Variants in IL18BP observed in about 807,000 individuals in gnomAD.
IL18BP encodes the protein interleukin 18 binding protein.
In IL18BP, 23 loss-of-function variants were observed where a neutral mutation model predicts 19.9. That is an observed-to-expected ratio of 1.15 (90% CI 0.83 to 1.64). The LOEUF (loss-of-function observed/expected upper bound fraction) is 1.64, where lower values mean the gene tolerates loss of function less well. Ranked by LOEUF, IL18BP falls within the 40% of genes most tolerant of loss-of-function variation. The pLI, the probability that IL18BP is intolerant of heterozygous loss-of-function variation, is 0.00. For synonymous variants in IL18BP, 107 were observed against 101.0 expected, an observed-to-expected ratio of 1.06 and a Z score of -0.35; for missense variants, 239 against 240.7, an observed-to-expected ratio of 0.99 and a Z score of 0.05.
At chr11:72,003,480 GGT>G (rs1565179002), downstream of IL18BP, 23 of 1,598,370 alleles carry the variant, frequency 1.4e-5, 1 homozygote, top group African/African-American at 2.7e-5. Flanking sequence ...GACCAGGTGA[GGT>G]CAGCATCGGG....
downstream of IL18BP, chr11:72,003,719 C>G (rs531620960): frequency 1.0e-6 from 1 of 972,876 alleles, no homozygotes; most frequent in Non-Finnish European, 1.6e-6. Flanking sequence ...AGAATGGGGC[C>G]ATCTGTCTTC....
At chr11:72,003,329 C>A, downstream of IL18BP, 1 of 615,934 alleles carries the variant, frequency 1.6e-6, no homozygotes. Flanking sequence ...ATGCTCCAGG[C>A]CCCCTGGGCC....
chr11:72,006,767 G>A (rs942822040), downstream of IL18BP, among the ~76,000 whole-genome samples: 2 of 152,246 alleles, frequency 1.3e-5, no homozygotes, highest in South Asian at 2.1e-4. Flanking sequence ...TGTACCAGGG[G>A]CCCCTCTCCC....
chr11:71,999,184 G>A (rs1159849917), intron 1 of IL18BP, 165 bp downstream of exon 1: 2 of 515,146 alleles, frequency 3.9e-6, no homozygotes, highest in African/African-American at 3.9e-5. Context: ...TGGACGGACT[G>A]GTATGGCATT....
At chr11:72,007,158 T>C, downstream of IL18BP, 6 of 1,600,468 alleles carry the variant, frequency 3.7e-6, no homozygotes, top group Non-Finnish European at 5.1e-6. Context: ...TGGGAATTGC[T>C]GCCCTGCAGC....
At chr11:72,006,009 A>C, downstream of IL18BP, 1 of 1,542,716 alleles carries the variant, frequency 6.5e-7, no homozygotes, top group Non-Finnish European at 8.9e-7. Context: ...ATTTTGGGGT[A>C]TAGTAAGTCC....
chr11:71,999,378 A>G (rs1955091037), intron 1 of IL18BP: 3 of 301,776 alleles, frequency 9.9e-6, no homozygotes, highest in Non-Finnish European at 2.0e-5. Flanking sequence ...TCTGTGAGAG[A>G]CTCATCTAGT....
chr11:72,006,346 T>A, downstream of IL18BP: 1 of 1,165,922 alleles, frequency 8.6e-7, no homozygotes, highest in East Asian at 2.5e-5. Context: ...AGCCCTCAGA[T>A]CCCACGGCAC....
rs1554996841 is a variant in IL18BP at position 72,002,402 on chromosome 11, G to GA, written c.*541_*542insA. On this transcript the variant is annotated 3_prime_UTR_variant, in exon 6 of 6. Coordinates refer to ENST00000393703, the MANE Select transcript of IL18BP (RefSeq NM_001039660.2). ...CAGACTTCCTATCTTCGTGCTGTATGTTTTTTTTTTCCCCCTTCACTCTAA... is the reference window on the plus strand; with the variant it reads ...CAGACTTCCTATCTTCGTGCTGTATGATTTTTTTTTTCCCCCTTCACTCTAA... 6.5e-6 allele frequency: 1 copy of GA among 152,726 alleles called. No individual in the cohort carries two copies. Among genetic ancestry groups the GA allele is most frequent in the Non-Finnish European group, 1.4e-5 (1 of 69,178 alleles). The allele number at this position is 152,726 out of a possible 1,614,324, so 9.5% of individuals were successfully genotyped here.
chr11:72,008,063 A>C (rs1396658582), downstream of IL18BP: 1 of 470,690 alleles, frequency 2.1e-6, no homozygotes, highest in Non-Finnish European at 4.2e-6. Context: ...CCCCAGATTC[A>C]TCTGTTAAAG....
intron 3 of IL18BP, 141 bp downstream of exon 3, chr11:72,000,698 A>C: frequency 1.5e-6 from 1 of 687,544 alleles, no homozygotes; most frequent in Non-Finnish European, 2.5e-6. Flanking sequence ...TCCCTCCCCA[A>C]CCCAGTGTCA....
At chr11:72,007,092 T>C (rs1042965767), downstream of IL18BP, 3 of 1,442,286 alleles carry the variant, frequency 2.1e-6, no homozygotes, top group African/African-American at 2.8e-5. Flanking sequence ...GACTGGCTGC[T>C]CATCCCTCCC....
downstream of IL18BP, chr11:72,007,299 G>T (rs769598253): frequency 1.2e-6 from 2 of 1,613,374 alleles, no homozygotes; most frequent in South Asian, 1.1e-5. Flanking sequence ...CTCTCCAGGG[G>T]GGCCTGACTC....
chr11:72,001,029 T>C (rs1005149629), intron 3 of IL18BP, among the ~76,000 whole-genome samples, 172 bp from the exon 4 acceptor site: 2 of 152,216 alleles, frequency 1.3e-5, no homozygotes, highest in Non-Finnish European at 2.9e-5. Flanking sequence ...CTAGGGCCTC[T>C]CGGAGACAAC....
chr11:72,004,160 TGCC>T, downstream of IL18BP: 1 of 1,603,442 alleles, frequency 6.2e-7, no homozygotes, highest in Non-Finnish European at 8.5e-7. Flanking sequence ...CAGCGTGCTG[TGCC>T]ACGCTCTATC....
chr11:72,006,131 C>T (rs1590859561), downstream of IL18BP: 3 of 1,614,112 alleles, frequency 1.9e-6, no homozygotes, highest in African/African-American at 2.7e-5. Context: ...GCTGAGTTGC[C>T]ATAATCGGGA....
Position 72,001,324 on chromosome 11 carries a change from G to A in IL18BP, c.359G>A (p.Ser120Asn). 6.2e-7 allele frequency: 1 copy of A among 1,614,246 alleles called. No individual in the cohort carries two copies. The highest frequency in any genetic ancestry group is 8.5e-7 in the Non-Finnish European group (1 of 1,180,042). ...GGCCGACTGTGGGAGGGGAGCACCAGGTGAGGGTCGCAGCAGCCAGGTGGG... is the reference window on the plus strand; with the variant it reads ...GGCCGACTGTGGGAGGGGAGCACCAAGTGAGGGTCGCAGCAGCCAGGTGGG... ...LPGRLWEGST[S>N]RERGSTGTQL... Residue 120 changes from serine (S) to asparagine (N), a missense_variant and splice_region_variant, in exon 4 of 6, where the codon AGC becomes AAC. Physicochemically the swap from Ser to Asn is conservative, Grantham distance 46. Transcript: ENST00000393703.
downstream of IL18BP, chr11:72,003,743 G>A: frequency 2.0e-6 from 2 of 1,005,662 alleles, no homozygotes; most frequent in Non-Finnish European, 3.0e-6. Flanking sequence ...CCTTGGAGAG[G>A]AGCTACCAGG....
intron 1 of IL18BP, 153 bp from the exon 2 acceptor site, chr11:71,999,774 G>T: frequency 3.4e-6 from 2 of 587,550 alleles, no homozygotes; most frequent in Non-Finnish European, 6.1e-6. Flanking sequence ...CTGGGGTGGG[G>T]AAGGATTGTC....
Sources: allele counts gnomAD v4.1 joint callset (sites outside exome capture counted in the v4.1 genomes callset), GRCh38; gene constraint gnomAD v4.1.1; transcripts MANE v1.5; gene names NCBI Gene and HGNC (gene_info 2026-07-23, HGNC 2026-07-21).